Variants in SVEP1 observed in about 807,000 individuals in gnomAD.
The protein encoded by SVEP1 is sushi, von Willebrand factor type A, EGF and pentraxin domain-containing protein 1.
A neutral mutation model predicts 367.3 loss-of-function variants in SVEP1; 164 were observed. The observed-to-expected ratio is 0.45, with a 90% CI of 0.39 to 0.51. The LOEUF (loss-of-function observed/expected upper bound fraction) is 0.51. Ranked by LOEUF, SVEP1 falls within the 20% of genes least tolerant of loss-of-function variation. The pLI is 0.00. For synonymous variants in SVEP1, 1,666 were observed against 1,611.6 expected (o/e 1.03, Z -0.81); for missense variants, 4,117 against 4,425.3 (o/e 0.93, Z 1.98).
chr9:110,423,143 A>T (rs868165484), intron 36 of SVEP1, among the ~76,000 whole-genome samples: 83 of 137,320 alleles, frequency 6.0e-4, no homozygotes, highest in African/African-American at 1.3e-3. Context: ...TAATAAAAAA[A>T]AAATAAAAAA....
intron 27 of SVEP1, chr9:110,443,003 A>T (rs150024733): frequency 6.6e-6 from 1 of 152,206 alleles, no homozygotes; most frequent in Non-Finnish European, 1.5e-5. Flanking sequence ...TGTCATATGC[A>T]TATACTTCTA....
chr9:110,395,210 A>G (rs1032208058), intron 40 of SVEP1, among the ~76,000 whole-genome samples: 2 of 152,142 alleles, frequency 1.3e-5, no homozygotes, highest in Non-Finnish European at 2.9e-5. Context: ...ACATTCTTAA[A>G]GAAAAGAATT....
chr9:110,501,893 T>C (rs1029661854), intron 6 of SVEP1, among the ~76,000 whole-genome samples: 1 of 152,162 alleles, frequency 6.6e-6, no homozygotes, highest in Admixed American at 6.5e-5. Context: ...AAACTCTACT[T>C]GATTGGCAGA....
intron 3 of SVEP1, among the ~76,000 whole-genome samples, chr9:110,537,878 G>C (rs1830097653): frequency 6.6e-6 from 1 of 151,580 alleles, no homozygotes; most frequent in South Asian, 2.1e-4. Context: ...GCAAGTGTTT[G>C]AAGATCATGA....
At chr9:110,398,808 CCA>C (rs1457822653) in intron 40 of SVEP1, among the ~76,000 whole-genome samples, 2 of 152,268 alleles carry the variant, frequency 1.3e-5, no homozygotes, top group South Asian at 2.1e-4. Context: ...CCATCTCACA[CCA>C]GTTAGAATGG....
Position 110,459,087 on chromosome 9 carries a change from G to A in SVEP1, c.3349C>T (p.Arg1117Cys), listed in dbSNP as rs576679965. ...GVPCPEGKFS[R>C]SGLMPCHPCP... ...GGGTGACAGGGCATTAACCCAGAAC[G>A]CGAGAATTTTCCTTCTGGACAAGGA... The change falls in exon 19 of 48, where the codon CGT becomes TGT. Residue 1117 changes from arginine to cysteine, a missense_variant. This residue lies in a region of SVEP1 where 2,174 missense variants were observed against 2,494.3 expected (regional missense o/e 0.87). Coordinates refer to ENST00000374469, the MANE Select transcript of SVEP1 (RefSeq NM_153366.4). 9.3e-6 allele frequency: 15 copies of A among 1,613,630 alleles called. No homozygotes were observed. The highest frequency in any genetic ancestry group is 1.1e-5 in the Non-Finnish European group (13 of 1,179,650).
intron 8 of SVEP1, among the ~76,000 whole-genome samples, chr9:110,490,284 C>T (rs1040741493): frequency 3.3e-5 from 5 of 152,098 alleles, no homozygotes; most frequent in East Asian, 1.9e-4. Flanking sequence ...CAAATCAGTG[C>T]ACTTCAGATA....
chr9:110,412,020 T>C (rs1010648840), intron 36 of SVEP1, among the ~76,000 whole-genome samples: 1 of 152,176 alleles, frequency 6.6e-6, no homozygotes, highest in African/African-American at 2.4e-5. Context: ...ATCAAATGAC[T>C]TGCATTTGAG....
At chr9:110,412,947 T>A (rs1323208687) in intron 36 of SVEP1, among the ~76,000 whole-genome samples, 1 of 150,916 alleles carries the variant, frequency 6.6e-6, no homozygotes, top group African/African-American at 2.4e-5. Flanking sequence ...TTGGTGGGAC[T>A]GTAAACTAGT....
intron 13 of SVEP1, among the ~76,000 whole-genome samples, chr9:110,478,591 C>T (rs73655366): frequency 0.028 from 4,285 of 152,142 alleles, 191 homozygotes; most frequent in African/African-American, 0.098. Context: ...TGTTGCCTTT[C>T]GAGTATAGGT....
intron 36 of SVEP1, among the ~76,000 whole-genome samples, chr9:110,423,168 T>TAAAAAAAAAAAG (rs1828194866): frequency 1.9e-5 from 2 of 103,650 alleles, no homozygotes; most frequent in African/African-American, 3.5e-5. Context: ...AAAAATAAAG[T>TAAAAAAAAAAAG]AAAAAAAAAA....
Position 110,406,451 on chromosome 9 carries a change from C to A in SVEP1, c.9149G>T (p.Gly3050Val), listed in dbSNP as rs552246544. The A allele has an allele frequency of 3.3e-5, 53 of 1,614,054 alleles. No homozygotes were observed. Among genetic ancestry groups the A allele is most frequent in the Non-Finnish European group, 4.5e-5 (53 of 1,179,902 alleles). The part of the protein sequence containing the change: ...GLSEITCEAD[G>V]QWSSGFPHCE... ...GTGGGGGAACCCAGAGCTCCACTGG[C>A]CATCGGCTTCACAGGTGATTTCAGA... Residue 3050 changes from glycine (G) to valine (V), a missense_variant, in exon 38 of 48, where the codon GGC becomes GTC. Physicochemically the swap from Gly to Val is moderately radical, Grantham distance 109 (BLOSUM62 -3). Transcript: ENST00000374469.
rs1162306058 is a variant in SVEP1, at chr9:110,388,726, T to C, written c.9886+798A>G. Among the ~76,000 whole-genome samples, 4 of 152,052 alleles carry C rather than the reference T, an allele frequency of 2.6e-5. No individual in the cohort carries two copies. The East Asian group carries it at 7.7e-4, about 29-fold the overall frequency. On this transcript the variant is annotated intron_variant, in intron 41 of 47. Coordinates refer to ENST00000374469, the MANE Select transcript of SVEP1 (RefSeq NM_153366.4). ...GCTCATGCCTATAATCCCAGCACTTTGGGAGGCTGAGGAGCATGGATTGCT... is the reference window on the plus strand; with the variant it reads ...GCTCATGCCTATAATCCCAGCACTTCGGGAGGCTGAGGAGCATGGATTGCT...
intron 47 of SVEP1, among the ~76,000 whole-genome samples, chr9:110,368,877 G>A (rs1370325134): frequency 6.6e-6 from 1 of 151,954 alleles, no homozygotes; most frequent in East Asian, 1.9e-4. Context: ...GCATTAGACA[G>A]ATTTTTTTGT....
chr9:110,523,995 T>G (rs891376459), intron 3 of SVEP1, among the ~76,000 whole-genome samples: 4 of 152,078 alleles, frequency 2.6e-5, no homozygotes, highest in African/African-American at 9.7e-5. Context: ...GCAGACTCCA[T>G]GGACATGGAA....
chr9:110,516,993 A>G (rs1564165245), intron 3 of SVEP1, among the ~76,000 whole-genome samples: 1 of 152,198 alleles, frequency 6.6e-6, no homozygotes, highest in Non-Finnish European at 1.5e-5. Flanking sequence ...GGAAAATCAG[A>G]TTGATATTTC....
rs371415757 is a variant in SVEP1, at chr9:110,375,387, C to T, written c.10581G>A (p.Thr3527=). ...GCCTACCTGTATGACAGCGAGACCC[C>T]GTCCAGCCAGGCGGGCAGTCACACT... ...PYQCDCPPGW[T]GSRCHTAVCQ... Residue 3527 remains threonine (T), a synonymous_variant, in exon 46 of 48, where the codon ACG becomes ACA. Transcript: ENST00000374469. The T allele has an allele frequency of 7.6e-5, 118 of 1,550,540 alleles. No individual in the cohort carries two copies. The Middle Eastern group carries it at 1.2e-3, about 15-fold the overall frequency.
chr9:110,578,712 G>A (rs368586010), intron 1 of SVEP1, among the ~76,000 whole-genome samples: 9 of 152,268 alleles, frequency 5.9e-5, no homozygotes, highest in African/African-American at 2.2e-4. Context: ...CTTGGATACC[G>A]TCTGCTCCTA....
At chr9:110,388,678 T>C (rs942772975) in intron 41 of SVEP1, among the ~76,000 whole-genome samples, 2 of 152,106 alleles carry the variant, frequency 1.3e-5, no homozygotes, top group African/African-American at 2.4e-5. Context: ...TAAAATGCTA[T>C]TGATGCTGTG....
Sources: allele counts gnomAD v4.1 joint callset (sites outside exome capture counted in the v4.1 genomes callset), GRCh38; gene constraint gnomAD v4.1.1; regional missense constraint gnomAD v4.1.1; transcripts MANE v1.5; gene names NCBI Gene and HGNC (gene_info 2026-07-23, HGNC 2026-07-21).